SERPINB7: variants seen among roughly 807,000 people sequenced by gnomAD.
The protein encoded by SERPINB7 is serpin B7.
SERPINB7 carries 31 observed loss-of-function variants against 37.4 expected under a neutral mutation model. That is an observed-to-expected ratio of 0.83 (90% confidence interval 0.62 to 1.12). The LOEUF is 1.12. Ranked by LOEUF, SERPINB7 falls within the 50% of genes most tolerant of loss-of-function variation. SERPINB7 has a pLI of 0.00. For synonymous variants in SERPINB7, 163 were observed against 166.1 expected (o/e 0.98, Z 0.14); for missense variants, 521 against 455.3 (o/e 1.14, Z -1.31).
intron 1 of SERPINB7, among the ~76,000 whole-genome samples, chr18:63,768,522 C>G (rs984035637): frequency 2.6e-5 from 4 of 152,126 alleles, no homozygotes; most frequent in African/African-American, 9.7e-5. Context: ...TCCAAAGTCA[C>G]TTAGGTTCAT....
Position 63,804,533 on chromosome 18 carries a change from G to A in SERPINB7, c.1041G>A (p.Lys347=). The change falls in exon 8 of 8, where the codon AAG becomes AAA. Residue 347 remains lysine, a synonymous_variant. Coordinates refer to ENST00000398019, the MANE Select transcript of SERPINB7 (RefSeq NM_003784.4). ...TAATGSNIVE[K]QLPQSTLFRA... is the part of the protein sequence containing the mutation. Reference sequence around the variant, plus strand: ...CCACAGGAAGTAATATTGTAGAAAAGCAACTCCCTCAGTCCACGCTGTTTA... The same window carrying A: ...CCACAGGAAGTAATATTGTAGAAAAACAACTCCCTCAGTCCACGCTGTTTA... 6.2e-7 allele frequency: 1 copy of A among 1,613,778 alleles called. No individual in the cohort carries two copies. The highest frequency in any genetic ancestry group is 2.2e-5 in the East Asian group (1 of 44,870).
chr18:63,791,234 A>C (rs545726123), intron 2 of SERPINB7, among the ~76,000 whole-genome samples: 49 of 152,330 alleles, frequency 3.2e-4, no homozygotes, highest in African/African-American at 1.1e-3. Flanking sequence ...GCATGTGTAT[A>C]CCTATGTAAA....
chr18:63,762,344 A>G (rs1372383606), intron 1 of SERPINB7, among the ~76,000 whole-genome samples: 3 of 152,228 alleles, frequency 2.0e-5, no homozygotes, highest in African/African-American at 7.2e-5. Context: ...GCTGGTCTCT[A>G]AAATAAGATT....
chr18:63,788,799 GTTA>G (rs2049398192), intron 2 of SERPINB7, among the ~76,000 whole-genome samples: 1 of 152,128 alleles, frequency 6.6e-6, no homozygotes, highest in Non-Finnish European at 1.5e-5. Flanking sequence ...TTACCATTGT[GTTA>G]CAACTACCTA....
At chr18:63,767,700 A>G (rs1054357192) in intron 1 of SERPINB7, among the ~76,000 whole-genome samples, 3 of 151,936 alleles carry the variant, frequency 2.0e-5, no homozygotes, top group Non-Finnish European at 4.4e-5. Context: ...AATGAGCTGG[A>G]AACTGTTATT....
chr18:63,777,936 A>T (rs1208279829), intron 1 of SERPINB7: 1 of 152,316 alleles, frequency 6.6e-6, no homozygotes, highest in Non-Finnish European at 1.5e-5. Flanking sequence ...AGACACAGAG[A>T]GAGAGAGAGA....
At chr18:63,771,504 G>C (rs1468901025), upstream of SERPINB7, among the ~76,000 whole-genome samples, 3 of 151,910 alleles carry the variant, frequency 2.0e-5, no homozygotes, top group African/African-American at 7.3e-5. Context: ...CTTCCCATTA[G>C]CTTATACTTA....
chr18:63,760,715 C>A (rs2049148683), intron 1 of SERPINB7, among the ~76,000 whole-genome samples: 1 of 152,124 alleles, frequency 6.6e-6, no homozygotes, highest in Admixed American at 6.5e-5. Context: ...TGAAAGGGGC[C>A]AATGTACAGC....
intron 1 of SERPINB7, chr18:63,778,054 T>C (rs2049267813): frequency 6.6e-6 from 1 of 152,130 alleles, no homozygotes; most frequent in Non-Finnish European, 1.5e-5. Flanking sequence ...TGTCTATGAC[T>C]GATTTAAGTG....
In SERPINB7 at chr18:63,794,031, C is replaced by G. The variant is rs565497893; in HGVS notation, c.336+754C>G. ...CAATCTCGGCTCACTGCAACCTCTG[C>G]GTCTCGGGTTCAAGCGATTCTCCTG... On this transcript the variant is annotated intron_variant, in intron 4 of 7. Transcript: ENST00000398019. 1.8e-4 allele frequency among the ~76,000 whole-genome samples: 28 copies of G among 151,352 alleles called. No individual in the cohort carries two copies. The East Asian group carries it at 4.9e-3, about 27-fold the overall frequency.
chr18:63,798,011 T>A (rs1455748618), intron 5 of SERPINB7, among the ~76,000 whole-genome samples: 1 of 152,258 alleles, frequency 6.6e-6, no homozygotes, highest in Non-Finnish European at 1.5e-5. Flanking sequence ...CACAGTGCAC[T>A]GAGGTCAGAC....
At chr18:63,803,693 T>C (rs564896530) in intron 7 of SERPINB7, among the ~76,000 whole-genome samples, 1 of 152,276 alleles carries the variant, frequency 6.6e-6, no homozygotes, top group Admixed American at 6.5e-5. Flanking sequence ...TTGATTTGAA[T>C]TCAAGCTTCC....
chr18:63,804,436 G>A lies in SERPINB7; in HGVS notation c.944G>A (p.Arg315His), dbSNP rs765584752. ...CTCTCTGGGATTGCTTCGGGGGGTC[G>A]TCTGTATATATCAAGGATGATGCAC... is the stretch of plus-strand genomic sequence containing the variant. ...ADLSGIASGG[R>H]LYISRMMHKS... Residue 315 changes from arginine to histidine, a missense_variant, in exon 8 of 8, where the codon CGT becomes CAT. Arg to His is a conservative substitution (Grantham distance 29). Transcript: ENST00000398019. 5.1e-5 allele frequency: 82 copies of A among 1,613,568 alleles called. No individual in the cohort carries two copies. The highest frequency in any genetic ancestry group is 2.6e-4 in the South Asian group (24 of 91,080).
At chr18:63,759,498 C>G (rs761907268) in intron 1 of SERPINB7, among the ~76,000 whole-genome samples, 1 of 151,936 alleles carries the variant, frequency 6.6e-6, no homozygotes, top group African/African-American at 2.4e-5. Flanking sequence ...TATTGTAGTA[C>G]CAGGCTTTCC....
At chr18:63,797,728 C>T (rs1040654609) in intron 5 of SERPINB7, among the ~76,000 whole-genome samples, 1 of 152,164 alleles carries the variant, frequency 6.6e-6, no homozygotes, top group African/African-American at 2.4e-5. Flanking sequence ...TGACCATGAC[C>T]TTTCTTGTCT....
intron 2 of SERPINB7, among the ~76,000 whole-genome samples, chr18:63,791,636 C>T (rs142747609): frequency 6.6e-5 from 10 of 151,558 alleles, no homozygotes; most frequent in East Asian, 5.8e-4. Flanking sequence ...TTTGAGATGG[C>T]GTCTCACTCT....
chr18:63,768,029 C>G (rs2049190068), intron 1 of SERPINB7, among the ~76,000 whole-genome samples: 1 of 151,930 alleles, frequency 6.6e-6, no homozygotes, highest in Admixed American at 6.6e-5. Context: ...CTCTTCCCTT[C>G]CTGATATTGA....
chr18:63,795,977 G>C (rs996481502), intron 4 of SERPINB7, among the ~76,000 whole-genome samples: 3 of 152,180 alleles, frequency 2.0e-5, no homozygotes, highest in African/African-American at 7.2e-5. Flanking sequence ...TATTTAATAT[G>C]AGAACGCAGT....
chr18:63,754,307 A>G (rs1522722), intron 1 of SERPINB7, among the ~76,000 whole-genome samples: 140,670 of 152,214 alleles, frequency 0.92, 65,571 homozygotes, highest in East Asian at 0.99. Flanking sequence ...GGGAATATGT[A>G]GTTTCATTTA....
Sources: gnomAD v4.1 joint callset for allele counts (sites outside exome capture counted in the v4.1 genomes callset) on GRCh38, gnomAD v4.1.1 for gene constraint, MANE v1.5 for transcripts, NCBI Gene and HGNC (gene_info 2026-07-23, HGNC 2026-07-21) for gene names.